Variants in MSH3 observed in about 807,000 individuals in gnomAD.
MSH3 encodes the protein mutS homolog 3.
In MSH3, 106 loss-of-function variants were observed where a neutral mutation model predicts 123.3. The ratio of observed to expected loss-of-function variants is 0.86; its 90% confidence interval spans 0.73 to 1.01. The LOEUF is 1.01. Among genes scored for constraint, MSH3 ranks in the 50% least tolerant of loss-of-function variants. MSH3 has a pLI of 0.00. For missense variants in MSH3, 1,459 were observed against 1,347.6 expected (o/e 1.08, Z -1.29); for synonymous variants, 515 against 481.4 (o/e 1.07, Z -0.91).
In MSH3 at chr5:80,741,542, G is replaced by A. The variant is rs530506717; in HGVS notation, c.1647G>A (p.Gln549=). The A allele has an allele frequency of 6.2e-7, 1 of 1,608,448 alleles. No individual in the cohort carries two copies. Among genetic ancestry groups the A allele is most frequent in the African/African-American group, 1.3e-5 (1 of 74,912 alleles). The change falls in exon 11 of 24, where the codon CAG becomes CAA. Residue 549 remains glutamine, a synonymous_variant. Transcript: ENST00000265081. Reference sequence around the variant, plus strand: ...CATTAAGGAATCTGGAAATCCTACAGAATCAGGTCAGGCAAATACAAGGGC... The same window carrying A: ...CATTAAGGAATCTGGAAATCCTACAAAATCAGGTCAGGCAAATACAAGGGC... ...GTTLRNLEIL[Q]NQTDMKTKGS...
At chr5:80,658,277 T>C (rs1414704891) in intron 2 of MSH3, among the ~76,000 whole-genome samples, 1 of 152,126 alleles carries the variant, frequency 6.6e-6, no homozygotes, top group Non-Finnish European at 1.5e-5. Flanking sequence ...TAGGCTGGTC[T>C]CAAACTCCTG....
intron 8 of MSH3, among the ~76,000 whole-genome samples, chr5:80,714,323 A>T (rs1208727543): frequency 6.6e-6 from 1 of 151,574 alleles, no homozygotes. Flanking sequence ...TTTAGTAGAG[A>T]CAGGGTTTCA....
intron 15 of MSH3, among the ~76,000 whole-genome samples, chr5:80,774,954 A>G (rs1046638791): frequency 6.6e-6 from 1 of 152,240 alleles, no homozygotes; most frequent in Non-Finnish European, 1.5e-5. Flanking sequence ...ATAAAAGAGT[A>G]TAACTGGATT....
At chr5:80,840,251 T>G (rs1281101491) in intron 20 of MSH3, among the ~76,000 whole-genome samples, 2 of 152,170 alleles carry the variant, frequency 1.3e-5, no homozygotes, top group South Asian at 2.1e-4. Context: ...TGTATATCAT[T>G]CTAAGGTACT....
At chr5:80,715,368 A>G (rs1341044019) in intron 8 of MSH3, 3 of 152,228 alleles carry the variant, frequency 2.0e-5, no homozygotes, top group Non-Finnish European at 4.4e-5. Flanking sequence ...CACTGAGATG[A>G]TGACTTGAAT....
intron 2 of MSH3, 98 bp from the exon 3 acceptor site, chr5:80,665,045 G>C (rs948099586): frequency 7.2e-6 from 6 of 835,656 alleles, no homozygotes; most frequent in Non-Finnish European, 1.1e-5. Flanking sequence ...TTGCTTTATT[G>C]GGAATCTACC....
chr5:80,820,900 C>A (rs183893895), intron 20 of MSH3, among the ~76,000 whole-genome samples: 1 of 152,122 alleles, frequency 6.6e-6, no homozygotes, highest in African/African-American at 2.4e-5. Context: ...TTGCACTTCA[C>A]GAAGGTCCAG....
chr5:80,684,724 G>A (rs1251318378), intron 8 of MSH3, among the ~76,000 whole-genome samples: 1 of 152,108 alleles, frequency 6.6e-6, no homozygotes, highest in African/African-American at 2.4e-5. Context: ...AGTGGTGGTA[G>A]TGGGCATCAT....
chr5:80,833,699 C>G (rs942550683), intron 20 of MSH3, among the ~76,000 whole-genome samples: 8 of 152,222 alleles, frequency 5.3e-5, no homozygotes, highest in Non-Finnish European at 1.0e-4. Context: ...CGTCAGCCTC[C>G]CAAAGTGCTG....
At chr5:80,767,268 A>G (rs992799962) in intron 13 of MSH3, among the ~76,000 whole-genome samples, 4 of 152,130 alleles carry the variant, frequency 2.6e-5, no homozygotes, top group Non-Finnish European at 5.9e-5. Flanking sequence ...TCAAAGGGTT[A>G]TGTGCACTTT....
chr5:80,793,785 A>T (rs919889923), intron 19 of MSH3, among the ~76,000 whole-genome samples: 1 of 152,246 alleles, frequency 6.6e-6, no homozygotes, highest in African/African-American at 2.4e-5. Flanking sequence ...TAAAAGATTA[A>T]GAATACTAGC....
At chr5:80,854,603 A>G (rs1008178146) in intron 21 of MSH3, among the ~76,000 whole-genome samples, 1 of 152,170 alleles carries the variant, frequency 6.6e-6, no homozygotes, top group African/African-American at 2.4e-5. Flanking sequence ...TTGTACATGG[A>G]TGATACATAT....
chr5:80,783,405 T>G (rs977065944), intron 17 of MSH3, among the ~76,000 whole-genome samples: 3 of 152,206 alleles, frequency 2.0e-5, no homozygotes, highest in Non-Finnish European at 4.4e-5. Context: ...GTGTATCAAA[T>G]GGACAAAGAC....
intron 8 of MSH3, among the ~76,000 whole-genome samples, chr5:80,716,359 T>C (rs1423960462): frequency 2.0e-5 from 3 of 152,176 alleles, no homozygotes; most frequent in Non-Finnish European, 4.4e-5. Context: ...AGAAAACTTG[T>C]TGAAGTGCTC....
rs1749170388 is a variant in MSH3 at position 80,654,652 on chromosome 5, A to ACGG, written c.-76_-75insCGG. On this transcript the variant is annotated 5_prime_UTR_variant, in exon 1 of 24. Transcript: ENST00000265081. Reference sequence around the variant, plus strand: ...AGGGTCGCGGCGTGCTCGCGCCCGCAGACGCCTGGGAACTGCGGCCGCGGG... The same window carrying ACGG: ...AGGGTCGCGGCGTGCTCGCGCCCGCACGGGACGCCTGGGAACTGCGGCCGCGGG... The ACGG allele has an allele frequency of 7.0e-7, 1 of 1,425,106 alleles. No individual in the cohort carries two copies. 88.3% of individuals were successfully genotyped at this position (1,425,106 alleles called of 1,614,324 possible). A position where few individuals can be genotyped will look rare whatever the true frequency, so the allele number is the denominator to read the frequency against.
At chr5:80,697,772 T>A (rs1750516336) in intron 8 of MSH3, among the ~76,000 whole-genome samples, 1 of 152,196 alleles carries the variant, frequency 6.6e-6, no homozygotes, top group Non-Finnish European at 1.5e-5. Context: ...AAAGGACATT[T>A]AAGCTCTCTT....
At position 80,736,157 on chromosome 5, in the gene MSH3, C is replaced by T. The variant is rs6151738; in HGVS notation, c.1569-5307C>T. Among the ~76,000 whole-genome samples the T allele has an allele frequency of 3.8e-3, 570 of 151,858 alleles. 2 individuals are homozygous for T. Among genetic ancestry groups the T allele is most frequent in the African/African-American group, 0.013 (532 of 41,384 alleles). ...GGGAGAATTGCTTGAAACTGGGAGGCGGAGGTTGCAGTGAGCCGAGATCGC... is the reference window on the plus strand; with the variant it reads ...GGGAGAATTGCTTGAAACTGGGAGGTGGAGGTTGCAGTGAGCCGAGATCGC... On this transcript the variant is annotated intron_variant, in intron 10 of 23. Transcript: ENST00000265081.
intron 19 of MSH3, among the ~76,000 whole-genome samples, chr5:80,794,842 A>T (rs1744670053): frequency 6.6e-6 from 1 of 152,228 alleles, no homozygotes; most frequent in Non-Finnish European, 1.5e-5. Flanking sequence ...GATTGAGGAC[A>T]GACAGTGGTA....
At chr5:80,771,427 G>A (rs1351632269) in intron 15 of MSH3, among the ~76,000 whole-genome samples, 1 of 151,152 alleles carries the variant, frequency 6.6e-6, no homozygotes, top group African/African-American at 2.4e-5. Flanking sequence ...GCTGTGACCT[G>A]TGATCATGCC....
Sources: allele counts gnomAD v4.1 joint callset (sites outside exome capture counted in the v4.1 genomes callset), GRCh38; gene constraint gnomAD v4.1.1; transcripts MANE v1.5; gene names NCBI Gene and HGNC (gene_info 2026-07-23, HGNC 2026-07-21).